The following RBM20 variants were observed in gnomAD, a reference collection of about 807,000 sequenced individuals.
The protein encoded by RBM20 is RNA binding motif protein 20.
In RBM20, 51 loss-of-function variants were observed where a neutral mutation model predicts 110.1. The observed-to-expected ratio is 0.46, with a 90% confidence interval of 0.37 to 0.59. The LOEUF is 0.59. Ranked by LOEUF, RBM20 falls within the 20% of genes least tolerant of loss-of-function variation. RBM20 has a pLI of 0.00. For synonymous variants in RBM20, 589 were observed against 618.2 expected (o/e 0.95, Z 0.70); for missense variants, 1,512 against 1,574.9 (o/e 0.96, Z 0.68).
chr10:110,696,787 C>T (rs1202270642), intron 1 of RBM20, among the ~76,000 whole-genome samples: 2 of 152,198 alleles, frequency 1.3e-5, no homozygotes, highest in African/African-American at 2.4e-5. Flanking sequence ...GAGAGGGTTT[C>T]GTCCAACTCT....
rs556506843 is a variant in RBM20, at chr10:110,707,363, ATTCAT to A, written c.191+62723_191+62727del. Among the ~76,000 whole-genome samples the A allele has an allele frequency of 6.0e-3, 907 of 152,356 alleles. 9 individuals carry two copies. Among genetic ancestry groups the A allele is most frequent in the Non-Finnish European group, 0.01 (713 of 68,028 alleles). On this transcript the variant is annotated intron_variant, in intron 1 of 13. Transcript: ENST00000369519. ...TTTTACAATATTGGCTGCATAGCCA[ATTCAT>A]TTCAACTGGAAAATACATCAAAAAG...
At position 110,823,431 on chromosome 10, in the gene RBM20, C is replaced by CT. The variant is rs201149204; in HGVS notation, c.3317-22dup. The CT allele has an allele frequency of 7.1e-4, 926 of 1,302,770 alleles. 43 individuals are homozygous for CT. The African/African-American group carries it at 0.01, about 14-fold the overall frequency. 80.7% of individuals were successfully genotyped at this position (1,302,770 alleles called of 1,614,324 possible). On this transcript the variant is annotated intron_variant, in intron 11 of 13. Coordinates refer to ENST00000369519, the MANE Select transcript of RBM20 (RefSeq NM_001134363.3). ...GGACTCTTTGAGGCATGTTGTATTT[C>CT]TTTTTTTTTTTTTTTTTTTTTTTTT...
chr10:110,833,274 A>G (rs748029501), intron 13 of RBM20, among the ~76,000 whole-genome samples: 4 of 150,982 alleles, frequency 2.6e-5, no homozygotes, highest in Non-Finnish European at 2.9e-5. Context: ...CTATAATCCA[A>G]GCTACTCAGG....
chr10:110,671,288 G>A (rs535102387), intron 1 of RBM20, among the ~76,000 whole-genome samples: 1 of 152,176 alleles, frequency 6.6e-6, no homozygotes, highest in Non-Finnish European at 1.5e-5. Context: ...CTTCATGCAT[G>A]TCATTTTGGA....
chr10:110,830,020 G>A (rs1845029074), intron 12 of RBM20, among the ~76,000 whole-genome samples: 1 of 152,200 alleles, frequency 6.6e-6, no homozygotes, highest in Non-Finnish European at 1.5e-5. Flanking sequence ...CCTTTGGCTG[G>A]CGCTGCACAG....
chr10:110,690,543 C>T (rs969983551), intron 1 of RBM20, among the ~76,000 whole-genome samples: 1 of 152,174 alleles, frequency 6.6e-6, no homozygotes, highest in African/African-American at 2.4e-5. Flanking sequence ...CAAAACTCCC[C>T]ATGTCCCTCT....
Position 110,814,045 on chromosome 10 carries a change from A to G in RBM20, c.2550+1098A>G, listed in dbSNP as rs114305796. Among the ~76,000 whole-genome samples the G allele has an allele frequency of 2.3e-3, 347 of 152,296 alleles. 2 individuals are homozygous for G. The highest frequency in any genetic ancestry group is 8.2e-3 in the African/African-American group (339 of 41,560). ...AGGGGTAGGATAAGTGAGGTTTGGC[A>G]ATATGCATAAGGAGCCTAATTTTTA... On this transcript the variant is annotated intron_variant, in intron 9 of 13. Coordinates refer to ENST00000369519, the MANE Select transcript of RBM20 (RefSeq NM_001134363.3).
chr10:110,821,148 T>C, intron 10 of RBM20, 127 bp from the exon 11 acceptor site: 1 of 770,796 alleles, frequency 1.3e-6, no homozygotes, highest in Non-Finnish European at 2.1e-6. Flanking sequence ...TTCACAGTAA[T>C]TGTACCAGGT....
At chr10:110,735,616 G>GA (rs1843662868) in intron 1 of RBM20, among the ~76,000 whole-genome samples, 1 of 152,220 alleles carries the variant, frequency 6.6e-6, no homozygotes, top group Non-Finnish European at 1.5e-5. Flanking sequence ...ATGTATGTAT[G>GA]AGTCCATCGG....
intron 5 of RBM20, among the ~76,000 whole-genome samples, chr10:110,788,845 G>T (rs1011287823): frequency 2.0e-5 from 3 of 152,162 alleles, no homozygotes; most frequent in Non-Finnish European, 4.4e-5. Flanking sequence ...TGTTGCCAAA[G>T]GATATTTTTC....
chr10:110,696,590 G>T (rs1303978739), intron 1 of RBM20, among the ~76,000 whole-genome samples: 1 of 152,186 alleles, frequency 6.6e-6, no homozygotes, highest in Non-Finnish European at 1.5e-5. Context: ...GCACTCACTG[G>T]GCTGGATCTA....
At chr10:110,647,044 A>G (rs965564569) in intron 1 of RBM20, among the ~76,000 whole-genome samples, 57 of 152,352 alleles carry the variant, frequency 3.7e-4, no homozygotes, top group African/African-American at 1.4e-3. Flanking sequence ...TTCATGTTGC[A>G]TAGTGCGTTT....
In RBM20 at chr10:110,733,334, G is replaced by A. The variant is rs560337960; in HGVS notation, c.192-47467G>A. The stretch of plus-strand genomic sequence containing the variant: ...CCCCTTCCCTGCCCTCACCCCTGGC[G>A]GGGGATGTGTAATGTTGAGAAGGAG... On this transcript the variant is annotated intron_variant, in intron 1 of 13. Transcript: ENST00000369519. Among the ~76,000 whole-genome samples, 43 of 152,296 alleles carry A rather than the reference G, an allele frequency of 2.8e-4. 1 individual carries two copies. In the South Asian group the frequency reaches 5.8e-3, roughly 21 times the overall value.
At chr10:110,827,776 T>A (rs1845000413) in intron 12 of RBM20, 1 of 152,176 alleles carries the variant, frequency 6.6e-6, no homozygotes, top group African/African-American at 2.4e-5. Flanking sequence ...TTAAGACCTA[T>A]TATGGCTCCT....
intron 1 of RBM20, among the ~76,000 whole-genome samples, chr10:110,747,297 G>T (rs11195300): frequency 0.17 from 14,033 of 80,340 alleles, 1,246 homozygotes; most frequent in East Asian, 0.52. Context: ...CTCTTTTTTT[G>T]GGGGGGGGGG....
rs371604023 is a variant in RBM20 at position 110,644,778 on chromosome 10, C to A, written c.191+133C>A. 2 of 643,926 alleles carry A rather than the reference C, an allele frequency of 3.1e-6. No homozygotes were observed. Among genetic ancestry groups the A allele is most frequent in the African/African-American group, 1.9e-5 (1 of 51,530 alleles). The allele number at this position is 643,926 out of a possible 1,614,324, so 39.9% of individuals were successfully genotyped here. ...TTGGGTTTGAAGTTTTCTCGTACCC[C>A]CTCTGGGCAGAGTCGGTGTCCTTCT... On this transcript the variant is annotated intron_variant, in intron 1 of 13. Coordinates refer to ENST00000369519, the MANE Select transcript of RBM20 (RefSeq NM_001134363.3). The surrounding 1 kb of genome is among the most constrained non-coding windows in gnomAD (Gnocchi z 4.3).
rs1394691728 is a variant in RBM20, at chr10:110,651,682, G to T, written c.191+7037G>T. On this transcript the variant is annotated intron_variant, in intron 1 of 13. Coordinates refer to ENST00000369519, the MANE Select transcript of RBM20 (RefSeq NM_001134363.3). Reference sequence around the variant, plus strand: ...GGAGCACGGCTGTGGCTACTGCAGGGACTCCTGAACCGTGACGCACAGTCA... The same window carrying T: ...GGAGCACGGCTGTGGCTACTGCAGGTACTCCTGAACCGTGACGCACAGTCA... 2.6e-5 allele frequency among the ~76,000 whole-genome samples: 4 copies of T among 152,174 alleles called. No homozygotes were observed. The South Asian group carries it at 8.3e-4, about 32-fold the overall frequency.
intron 1 of RBM20, among the ~76,000 whole-genome samples, chr10:110,646,340 G>A (rs1424176139): frequency 6.6e-6 from 1 of 152,050 alleles, no homozygotes; most frequent in East Asian, 1.9e-4. Flanking sequence ...TATTTTATTT[G>A]CCTCACATAA....
chr10:110,769,646 A>T (rs1364017855), intron 1 of RBM20, among the ~76,000 whole-genome samples: 1 of 152,122 alleles, frequency 6.6e-6, no homozygotes, highest in African/African-American at 2.4e-5. Context: ...GAGGAAGCCC[A>T]TTCTTGGTGT....
Sources: allele counts gnomAD v4.1 joint callset (sites outside exome capture counted in the v4.1 genomes callset), GRCh38; gene constraint gnomAD v4.1.1; non-coding constraint Gnocchi (gnomAD v3.1); transcripts MANE v1.5; gene names NCBI Gene and HGNC (gene_info 2026-07-23, HGNC 2026-07-21).